Variants in FAT2 observed in about 807,000 individuals in gnomAD.
FAT2 encodes the protein protocadherin Fat 2.
FAT2 carries 150 observed loss-of-function variants against 295.3 expected under a neutral mutation model. That is an observed-to-expected ratio of 0.51 (90% confidence interval 0.44 to 0.58). The LOEUF is 0.58. Among genes scored for constraint, FAT2 ranks in the 20% least tolerant of loss-of-function variants. The pLI, the probability that FAT2 is intolerant of heterozygous loss-of-function variation, is 0.00. For missense variants in FAT2, 4,868 were observed against 5,442.7 expected, an observed-to-expected ratio of 0.89 and a Z score of 3.32; for synonymous variants, 2,026 against 2,150.3, an observed-to-expected ratio of 0.94 and a Z score of 1.60.
At chr5:151,533,460 G>T (rs1754896237) in intron 13 of FAT2, among the ~76,000 whole-genome samples, 1 of 147,136 alleles carries the variant, frequency 6.8e-6, no homozygotes, top group South Asian at 2.2e-4. Flanking sequence ...CAGCCACCCT[G>T]CCTTTGTGTT....
At chr5:151,583,421 C>T (rs956049155) in intron 1 of FAT2, among the ~76,000 whole-genome samples, 6 of 152,166 alleles carry the variant, frequency 3.9e-5, no homozygotes, top group African/African-American at 7.2e-5. Context: ...TCACATAATA[C>T]GGGGCAAAAG....
intron 8 of FAT2, among the ~76,000 whole-genome samples, chr5:151,550,359 T>C (rs1282817026): frequency 6.6e-6 from 1 of 151,946 alleles, no homozygotes; most frequent in Non-Finnish European, 1.5e-5. Context: ...CTGGGGTGAG[T>C]CCAGAGAAAG....
chr5:151,568,047 G>T lies in FAT2; in HGVS notation c.885C>A (p.Asp295Glu). ...EVESVEVVGG[D>E]PGKHFKAIKS... is the part of the protein sequence containing the mutation. ...TGATGGCTTTGAAGTGCTTTCCAGGGTCACCACCAACAACTTCCACTGACT... is the reference window on the plus strand; with the variant it reads ...TGATGGCTTTGAAGTGCTTTCCAGGTTCACCACCAACAACTTCCACTGACT... Residue 295 changes from aspartate to glutamate, a missense_variant, in exon 2 of 24, where the codon GAC (aspartate) becomes GAA (glutamate). This residue lies in a region of FAT2 where 3,297 missense variants were observed against 3,669.4 expected (regional missense o/e 0.90). Coordinates refer to ENST00000261800, the MANE Select transcript of FAT2 (RefSeq NM_001447.3). 6.2e-7 allele frequency: 1 copy of T among 1,614,174 alleles called. No homozygotes were observed. Among genetic ancestry groups the T allele is most frequent in the Non-Finnish European group, 8.5e-7 (1 of 1,180,042 alleles).
rs1448780450 is a variant in FAT2, at chr5:151,520,558, C to G, written c.11317+718G>C. Among the ~76,000 whole-genome samples, 3 of 152,278 alleles carry G rather than the reference C, an allele frequency of 2.0e-5. No individual in the cohort carries two copies. In the East Asian group the frequency reaches 5.8e-4, roughly 29 times the overall value. ...CTGCTACCACGGGAATGACAGTCAC[C>G]GTTGATCTGGGGCTTATTGTGGGCC... On this transcript the variant is annotated intron_variant, in intron 19 of 23. Transcript: ENST00000261800.
rs2127590713 is a variant in FAT2 at position 151,531,506 on chromosome 5, G to C, written c.9811+81C>G. ...GCTCTGGGAGGCGCTGCACAGGGTA[G>C]ATACCCACACAGGGGAGGAACCCAG... On this transcript the variant is annotated intron_variant, in intron 14 of 23. Coordinates refer to ENST00000261800, the MANE Select transcript of FAT2 (RefSeq NM_001447.3). This position sits in a 1 kb window ranked among gnomAD's most constrained non-coding sequence, Gnocchi z 5.7. 1.3e-6 allele frequency: 2 copies of C among 1,566,754 alleles called. No individual in the cohort carries two copies. The highest frequency in any genetic ancestry group is 1.7e-6 in the Non-Finnish European group (2 of 1,150,546).
chr5:151,577,118 G>A (rs1028450039), intron 1 of FAT2, among the ~76,000 whole-genome samples: 9 of 152,122 alleles, frequency 5.9e-5, no homozygotes, highest in African/African-American at 1.7e-4. Context: ...TACCAATGCC[G>A]TCATAGAACA....
chr5:151,593,548 C>A (rs1176794902), upstream of FAT2, among the ~76,000 whole-genome samples: 1 of 152,192 alleles, frequency 6.6e-6, no homozygotes, highest in African/African-American at 2.4e-5. Flanking sequence ...GAAATTGACT[C>A]CTAGTGCCCT....
intron 23 of FAT2, 139 bp from the exon 24 acceptor site, chr5:151,506,236 T>G: frequency 2.3e-6 from 2 of 867,130 alleles, no homozygotes; most frequent in Non-Finnish European, 3.2e-6. Context: ...AGGTTGTCTC[T>G]GTTGGCTTAC....
intron 20 of FAT2, among the ~76,000 whole-genome samples, chr5:151,517,099 C>G (rs1300944432): frequency 6.8e-6 from 1 of 147,544 alleles, no homozygotes; most frequent in Non-Finnish European, 1.5e-5. Context: ...CAGAGAGAGA[C>G]TCCATCTCAA....
chr5:151,539,995 A>T (rs1266288415), intron 11 of FAT2, among the ~76,000 whole-genome samples: 1 of 152,202 alleles, frequency 6.6e-6, no homozygotes, highest in Non-Finnish European at 1.5e-5. Context: ...GCATGGGGTG[A>T]GGGGTTTGTC....
At chr5:151,589,692 T>G (rs940016470) in intron 1 of FAT2, among the ~76,000 whole-genome samples, 1 of 152,088 alleles carries the variant, frequency 6.6e-6, no homozygotes, top group Non-Finnish European at 1.5e-5. Context: ...GCCCAAGAGT[T>G]CAAGACCAAC....
In FAT2 at chr5:151,531,625, C is replaced by T. The variant is rs2127591116; in HGVS notation, c.9773G>A (p.Gly3258Glu). 1.2e-6 allele frequency: 2 copies of T among 1,613,318 alleles called. No individual in the cohort carries two copies. Among genetic ancestry groups the T allele is most frequent in the Non-Finnish European group, 1.7e-6 (2 of 1,179,958 alleles). Residue 3258 changes from glycine to glutamate, a missense_variant, in exon 14 of 24, where the codon GGG (glycine) becomes GAG (glutamate). By Grantham distance (98) the Gly-to-Glu change is moderately conservative. Transcript: ENST00000261800. The surrounding 1 kb of genome is among the most constrained non-coding windows in gnomAD (Gnocchi z 5.7). ...AEKTGYRVVS[G>E]NEQGRFRLDA... ...CAGGCGGAACCTGCCTTGCTCGTTC[C>T]CGCTGACCACGCGGTAGCCGGTCTT...
At chr5:151,592,937 G>GT (rs550936338), upstream of FAT2, among the ~76,000 whole-genome samples, 50 of 152,354 alleles carry the variant, frequency 3.3e-4, no homozygotes, top group South Asian at 0.01. Flanking sequence ...TGCAGCCACT[G>GT]TGAGTTGTGC....
At chr5:151,534,331 G>T in intron 13 of FAT2, 78 bp downstream of exon 13, 1 of 1,179,646 alleles carries the variant, frequency 8.5e-7, no homozygotes, top group Non-Finnish European at 1.2e-6. Context: ...GTCCTAGAGA[G>T]ACACAAAGGG....
In FAT2 at chr5:151,566,290, A is replaced by G. The variant is rs139706964; in HGVS notation, c.2642T>C (p.Leu881Pro). The G allele has an allele frequency of 6.2e-7, 1 of 1,614,112 alleles. No individual in the cohort carries two copies. The highest frequency in any genetic ancestry group is 1.3e-5 in the African/African-American group (1 of 75,026). The change falls in exon 2 of 24, where the codon CTG (leucine) becomes CCG (proline). Residue 881 changes from leucine (L) to proline (P), a missense_variant. Leu to Pro is a moderately conservative substitution (Grantham distance 98). Transcript: ENST00000261800. ...LTGELVVTGH[L>P]DRESEPRYIL... is the part of the protein sequence containing the mutation. ...GTACCGAGGCTCTGATTCGCGGTCC[A>G]GGTGTCCTGTAACAACCAGTTCCCC...
intron 5 of FAT2, among the ~76,000 whole-genome samples, 181 bp from the exon 6 acceptor site, chr5:151,553,568 G>A (rs1354658608): frequency 1.3e-5 from 2 of 152,216 alleles, no homozygotes; most frequent in African/African-American, 4.8e-5. Context: ...AGTTGCTGCA[G>A]GCACGGTGGT....
At chr5:151,523,551 A>T (rs1753700360) in intron 18 of FAT2, among the ~76,000 whole-genome samples, 1 of 152,164 alleles carries the variant, frequency 6.6e-6, no homozygotes. Context: ...GGTGCCTCCC[A>T]GTGCATGGAA....
chr5:151,509,298 G>C (rs1761129201), intron 22 of FAT2, among the ~76,000 whole-genome samples: 2 of 152,244 alleles, frequency 1.3e-5, no homozygotes, highest in Non-Finnish European at 1.5e-5. Flanking sequence ...AGTATGTTCA[G>C]AATAGGGCTG....
At chr5:151,578,346 A>G (rs1284088778) in intron 1 of FAT2, among the ~76,000 whole-genome samples, 1 of 152,218 alleles carries the variant, frequency 6.6e-6, no homozygotes, top group Admixed American at 6.5e-5. Flanking sequence ...TCAAGTCCCA[A>G]CTGGGGCAAC....
Sources: allele counts gnomAD v4.1 joint callset (sites outside exome capture counted in the v4.1 genomes callset), GRCh38; gene constraint gnomAD v4.1.1; regional missense constraint gnomAD v4.1.1; non-coding constraint Gnocchi (gnomAD v3.1); transcripts MANE v1.5; gene names NCBI Gene and HGNC (gene_info 2026-07-23, HGNC 2026-07-21).